Variants in PPP3CC observed in about 807,000 individuals in gnomAD.
PPP3CC encodes the protein serine/threonine-protein phosphatase 2B catalytic subunit gamma isoform.
Under a neutral mutation model 60.3 loss-of-function variants are expected in PPP3CC, and 35 were observed. That is an observed-to-expected ratio of 0.58 (90% CI 0.44 to 0.77). The LOEUF is 0.77. Ranked by LOEUF, PPP3CC falls within the 30% of genes least tolerant of loss-of-function variation. PPP3CC has a pLI of 0.00. For missense variants in PPP3CC, 570 were observed against 628.9 expected (o/e 0.91, Z 1.00); for synonymous variants, 206 against 224.3 (o/e 0.92, Z 0.73).
chr8:22,452,175 G>A (rs538964451), intron 1 of PPP3CC, among the ~76,000 whole-genome samples: 4 of 152,006 alleles, frequency 2.6e-5, no homozygotes, highest in African/African-American at 9.7e-5. Context: ...GACTACAGGC[G>A]TGTGCTGCCA....
chr8:22,493,205 T>C (rs1442125982), intron 3 of PPP3CC, among the ~76,000 whole-genome samples: 1 of 152,190 alleles, frequency 6.6e-6, no homozygotes, highest in African/African-American at 2.4e-5. Flanking sequence ...TTTTTGTTTA[T>C]GGATCTGATA....
chr8:22,506,936 T>A (rs150400284), intron 4 of PPP3CC, among the ~76,000 whole-genome samples: 3,812 of 149,652 alleles, frequency 0.025, 81 homozygotes, highest in East Asian at 0.11. Flanking sequence ...ATAAATTAAT[T>A]AATTAATTAA....
chr8:22,482,535 T>A (rs1838099717), intron 3 of PPP3CC, among the ~76,000 whole-genome samples: 1 of 152,268 alleles, frequency 6.6e-6, no homozygotes, highest in South Asian at 2.1e-4. Flanking sequence ...GCTCTTTAGC[T>A]TAATTAGATT....
intron 1 of PPP3CC, among the ~76,000 whole-genome samples, chr8:22,467,404 A>C (rs150395133): frequency 3.4e-3 from 518 of 152,054 alleles, no homozygotes; most frequent in African/African-American, 0.012. Flanking sequence ...TGTGTATTTT[A>C]GTTAGATGTT....
chr8:22,463,152 A>G (rs1837413329), intron 1 of PPP3CC, among the ~76,000 whole-genome samples: 1 of 152,192 alleles, frequency 6.6e-6, no homozygotes, highest in South Asian at 2.1e-4. Context: ...AAATGCCAAG[A>G]GAATAAAGGA....
intron 1 of PPP3CC, among the ~76,000 whole-genome samples, chr8:22,448,381 G>GTTT (rs34309415): frequency 8.9e-5 from 12 of 135,118 alleles, no homozygotes; most frequent in African/African-American, 2.5e-4. Context: ...CCTTTTTTTT[G>GTTT]TTTTTTTTTT....
At chr8:22,449,337 T>C (rs972703634) in intron 1 of PPP3CC, among the ~76,000 whole-genome samples, 1 of 149,420 alleles carries the variant, frequency 6.7e-6, no homozygotes, top group Non-Finnish European at 1.5e-5. Context: ...TGGACCCAGC[T>C]ACTTGGGAGG....
intron 4 of PPP3CC, among the ~76,000 whole-genome samples, chr8:22,500,983 A>G (rs1174023146): frequency 6.6e-6 from 1 of 152,094 alleles, no homozygotes; most frequent in Non-Finnish European, 1.5e-5. Flanking sequence ...TTGAAATCCC[A>G]TCTCTACAAA....
chr8:22,517,407 AT>A (rs1839277657), intron 6 of PPP3CC, among the ~76,000 whole-genome samples: 2 of 151,130 alleles, frequency 1.3e-5, no homozygotes, highest in African/African-American at 4.9e-5. Context: ...TCTCTCTTCT[AT>A]TTTTTGGAAG....
chr8:22,489,092 T>C lies in PPP3CC; in HGVS notation c.373-8909T>C, dbSNP rs537451174. On this transcript the variant is annotated intron_variant, in intron 3 of 13. Coordinates refer to ENST00000240139, the MANE Select transcript of PPP3CC (RefSeq NM_005605.5). ...TATTCACATTTATGTTTTAAAACAA[T>C]TACTTTGGCTGTTAGAAGGTCAGTT... Among the ~76,000 whole-genome samples the C allele has an allele frequency of 8.7e-4, 132 of 152,144 alleles. 1 individual carries two copies. Among genetic ancestry groups the C allele is most frequent in the South Asian group, 5.8e-3 (28 of 4,818 alleles).
At chr8:22,476,911 G>A (rs576122980) in intron 3 of PPP3CC, among the ~76,000 whole-genome samples, 18 of 144,218 alleles carry the variant, frequency 1.2e-4, no homozygotes, top group African/African-American at 4.4e-4. Flanking sequence ...CAGCCTGGGC[G>A]ACAGAGCGAG....
chr8:22,519,482 A>G (rs2117112187), intron 6 of PPP3CC, among the ~76,000 whole-genome samples: 1 of 151,826 alleles, frequency 6.6e-6, no homozygotes. Context: ...GTAGTGGGGT[A>G]TTTTGGTTCT....
chr8:22,498,164 G>A (rs1563743747), intron 4 of PPP3CC, 52 bp downstream of exon 4: 10 of 1,157,004 alleles, frequency 8.6e-6, no homozygotes, highest in South Asian at 3.2e-5. Context: ...TAACCTGTCC[G>A]AAGTAAATCA....
chr8:22,506,459 A>C (rs970747366), intron 4 of PPP3CC, among the ~76,000 whole-genome samples: 1 of 152,210 alleles, frequency 6.6e-6, no homozygotes, highest in Admixed American at 6.5e-5. Context: ...AAAGCAAGTA[A>C]AGAACAGTAC....
intron 3 of PPP3CC, among the ~76,000 whole-genome samples, chr8:22,477,907 A>G (rs771032007): frequency 3.9e-5 from 6 of 152,206 alleles, no homozygotes; most frequent in Admixed American, 2.6e-4. Context: ...CTAGAGTGCA[A>G]TGGCACGATC....
At chr8:22,509,626 C>T (rs78406914) in intron 4 of PPP3CC, among the ~76,000 whole-genome samples, 2,766 of 152,290 alleles carry the variant, frequency 0.018, 99 homozygotes, top group African/African-American at 0.063. Context: ...CTCCTCCTTC[C>T]ACCCACTGAT....
At chr8:22,456,908 A>G (rs1008402882) in intron 1 of PPP3CC, among the ~76,000 whole-genome samples, 1 of 152,132 alleles carries the variant, frequency 6.6e-6, no homozygotes, top group East Asian at 1.9e-4. Context: ...GACACATGGT[A>G]AAAAGCTAGA....
At chr8:22,536,444 A>T (rs1345911107) in intron 12 of PPP3CC, among the ~76,000 whole-genome samples, 3 of 152,374 alleles carry the variant, frequency 2.0e-5, no homozygotes, top group Admixed American at 2.0e-4. Context: ...CTAAACCTTG[A>T]GAAAGCAAAT....
rs532858076 is a variant in PPP3CC at position 22,481,107 on chromosome 8, G to A, written c.372+5483G>A. Among the ~76,000 whole-genome samples the A allele has an allele frequency of 1.1e-3, 165 of 152,252 alleles. 4 individuals carry two copies. Among genetic ancestry groups the A allele is most frequent in the Non-Finnish European group, 2.5e-4 (17 of 68,018 alleles). Reference sequence around the variant, plus strand: ...CCCACACTTGGGGAGGCCGAGGCAGGTGGATCACCTGAGGTCAGGTGTTTG... The same window carrying A: ...CCCACACTTGGGGAGGCCGAGGCAGATGGATCACCTGAGGTCAGGTGTTTG... On this transcript the variant is annotated intron_variant, in intron 3 of 13. Transcript: ENST00000240139.
Sources: gnomAD v4.1 joint callset for allele counts (sites outside exome capture counted in the v4.1 genomes callset) on GRCh38, gnomAD v4.1.1 for gene constraint, MANE v1.5 for transcripts, NCBI Gene and HGNC (gene_info 2026-07-23, HGNC 2026-07-21) for gene names.